SESTD1: variants seen among roughly 807,000 people sequenced by gnomAD.
The protein encoded by SESTD1 is SEC14 domain and spectrin repeat-containing protein 1.
In SESTD1, 43 loss-of-function variants were observed where a neutral mutation model predicts 101.7. That is an observed-to-expected ratio of 0.42 (90% CI 0.33 to 0.55). The LOEUF is 0.55. Ranked by LOEUF, SESTD1 falls within the 20% of genes least tolerant of loss-of-function variation. The pLI is 0.07. For missense variants in SESTD1, 647 were observed against 815.1 expected, an observed-to-expected ratio of 0.79 and a Z score of 2.51; for synonymous variants, 283 against 286.8, an observed-to-expected ratio of 0.99 and a Z score of 0.13.
rs2044827915 is a variant in SESTD1, at chr2:179,124,541, A to G, written c.990T>C (p.Tyr330=). Residue 330 remains tyrosine, a synonymous_variant, in exon 11 of 18, where the codon TAT becomes TAC. Coordinates refer to ENST00000428443, the MANE Select transcript of SESTD1 (RefSeq NM_178123.5). ...CTGCAATTTGCTGATTAAGTTCCAC[A>G]TACACTGCAAACCATTCCTGTAATC... ...ESQHSEWFAV[Y]VELNQQIAAL... The G allele has an allele frequency of 6.2e-7, 1 of 1,613,710 alleles. No homozygotes were observed. The highest frequency in any genetic ancestry group is 8.5e-7 in the Non-Finnish European group (1 of 1,179,808).
chr2:179,121,834 C>T lies in SESTD1; in HGVS notation c.1378G>A (p.Glu460Lys). 1.2e-6 allele frequency: 2 copies of T among 1,608,554 alleles called. No homozygotes were observed. The highest frequency in any genetic ancestry group is 1.7e-6 in the Non-Finnish European group (2 of 1,177,504). Residue 460 changes from glutamate to lysine, a missense_variant, in exon 13 of 18, where the codon GAA becomes AAA. Glu to Lys is a moderately conservative substitution (Grantham distance 56). Transcript: ENST00000428443. ...ATGTGGTCCACATTTTCTTTATTTT[C>T]AATGGTTACATCCTTTCCATAGGCC... Reference protein sequence around the residue: ...SWAYGKDVTIENKENVDHIQG... With the variant: ...SWAYGKDVTIKNKENVDHIQG...
rs1045869877 is a variant in SESTD1, at chr2:179,108,309, T to C, written c.*1590A>G. ...CTGTACTCACAGTTATTTCAGAGGA[T>C]AGCATCTTCAAGGAAGGAGACACTG... On this transcript the variant is annotated 3_prime_UTR_variant, in exon 18 of 18. Coordinates refer to ENST00000428443, the MANE Select transcript of SESTD1 (RefSeq NM_178123.5). 1 of 152,158 alleles carries C rather than the reference T, an allele frequency of 6.6e-6. No homozygotes were observed. Among genetic ancestry groups the C allele is most frequent in the African/African-American group, 2.4e-5 (1 of 41,432 alleles). The allele number at this position is 152,158 out of a possible 1,614,324, so 9.4% of individuals were successfully genotyped here.
chr2:179,147,941 C>T (rs1415994051), intron 7 of SESTD1, among the ~76,000 whole-genome samples: 2 of 152,162 alleles, frequency 1.3e-5, no homozygotes, highest in African/African-American at 4.8e-5. Flanking sequence ...CTTCCTAAAC[C>T]ACAGCATATA....
intron 3 of SESTD1, 75 bp from the exon 4 acceptor site, chr2:179,176,613 T>TA (rs1559129465): frequency 1.6e-6 from 2 of 1,227,594 alleles, no homozygotes; most frequent in African/African-American, 3.0e-5. Context: ...ATAAAGAAGG[T>TA]TTAAAACTTA....
chr2:179,112,652 A>G lies in SESTD1; in HGVS notation c.1961+72T>C, dbSNP rs1445828309. 2.0e-6 allele frequency: 3 copies of G among 1,466,310 alleles called. No individual in the cohort carries two copies. The Admixed American group carries it at 7.5e-5, about 36-fold the overall frequency. 90.8% of individuals were successfully genotyped at this position (1,466,310 alleles called of 1,614,324 possible). A position where few individuals can be genotyped will look rare whatever the true frequency, so the allele number is the denominator to read the frequency against. ...ATTTACTTGGCTTTTTAAAGAATAGATTTCCTCTTTTAATGATTTCACTTT... is the reference window on the plus strand; with the variant it reads ...ATTTACTTGGCTTTTTAAAGAATAGGTTTCCTCTTTTAATGATTTCACTTT... On this transcript the variant is annotated intron_variant, in intron 17 of 17. Transcript: ENST00000428443.
intron 1 of SESTD1, among the ~76,000 whole-genome samples, chr2:179,258,290 G>GA (rs1363003864): frequency 2.0e-5 from 3 of 152,156 alleles, no homozygotes; most frequent in Non-Finnish European, 4.4e-5. Context: ...AGCCCCAATA[G>GA]ATAGAATTCC....
At chr2:179,157,472 T>C (rs2105457904) in intron 5 of SESTD1, among the ~76,000 whole-genome samples, 1 of 152,268 alleles carries the variant, frequency 6.6e-6, no homozygotes, top group Admixed American at 6.5e-5. Context: ...CAAACTATAC[T>C]ATAAGGCCAT....
At chr2:179,157,165 G>A (rs2045648329) in intron 5 of SESTD1, among the ~76,000 whole-genome samples, 1 of 152,052 alleles carries the variant, frequency 6.6e-6, no homozygotes, top group Non-Finnish European at 1.5e-5. Context: ...ACCAAACCAA[G>A]GAGGCAAAAG....
intron 1 of SESTD1, among the ~76,000 whole-genome samples, chr2:179,192,352 G>A (rs1302452392): frequency 6.6e-6 from 1 of 152,058 alleles, no homozygotes; most frequent in African/African-American, 2.4e-5. Context: ...ACTATTAAAT[G>A]GCTTTTTCTG....
In SESTD1 at chr2:179,165,306, CAG is replaced by C. The variant is rs1170832620; in HGVS notation, c.369+6812_369+6813del. Among the ~76,000 whole-genome samples the C allele has an allele frequency of 3.3e-5, 5 of 152,290 alleles. No homozygotes were observed. In the East Asian group the frequency reaches 5.8e-4, roughly 18 times the overall value. On this transcript the variant is annotated intron_variant, in intron 5 of 17. Transcript: ENST00000428443. ...ATCTATGACACCACATCAAGGTAGA[CAG>C]AAATTCTGTCTTCTATTTTATCCTC...
At chr2:179,156,803 C>T (rs990331087) in intron 5 of SESTD1, among the ~76,000 whole-genome samples, 1 of 152,094 alleles carries the variant, frequency 6.6e-6, no homozygotes, top group Admixed American at 6.6e-5. Context: ...TTCATTTTGC[C>T]ATACAAAAGC....
At chr2:179,118,401 T>C (rs1191440584) in intron 13 of SESTD1, among the ~76,000 whole-genome samples, 3 of 152,234 alleles carry the variant, frequency 2.0e-5, no homozygotes, top group Non-Finnish European at 4.4e-5. Context: ...ATTTCCTTCA[T>C]TTCCATGAAA....
At chr2:179,188,387 CAG>C (rs1411786708) in intron 2 of SESTD1, among the ~76,000 whole-genome samples, 1 of 152,144 alleles carries the variant, frequency 6.6e-6, no homozygotes, top group East Asian at 1.9e-4. Flanking sequence ...TAAATGAAAA[CAG>C]TGATACAACG....
At chr2:179,140,714 T>C (rs1378300277) in intron 9 of SESTD1, among the ~76,000 whole-genome samples, 1 of 152,228 alleles carries the variant, frequency 6.6e-6, no homozygotes, top group African/African-American at 2.4e-5. Flanking sequence ...CTTTCATTCC[T>C]GAATTCACTC....
rs1482028993 is a variant in SESTD1 at position 179,202,308 on chromosome 2, C to A, written c.-25-10442G>T. 1.5e-5 allele frequency among the ~76,000 whole-genome samples: 2 copies of A among 134,224 alleles called. 1 individual carries two copies. The highest frequency in any genetic ancestry group is 1.4e-4 in the Admixed American group (2 of 13,830). The allele number at this position is 134,224 out of a possible 152,430, so 88.1% of individuals were successfully genotyped here. On this transcript the variant is annotated intron_variant, in intron 1 of 17. Transcript: ENST00000428443. ...CTAAAGAAGGCCTAATAAAATAACA[C>A]TCCCCAGTTTTTGTCACCTCCTGTC...
At chr2:179,188,230 ACT>A (rs1434520968) in intron 2 of SESTD1, among the ~76,000 whole-genome samples, 2 of 152,176 alleles carry the variant, frequency 1.3e-5, no homozygotes, top group Admixed American at 6.5e-5. Flanking sequence ...TACCAACCAT[ACT>A]CTCAGATCAC....
chr2:179,255,539 G>A (rs1209834863), intron 1 of SESTD1, among the ~76,000 whole-genome samples: 2 of 152,336 alleles, frequency 1.3e-5, no homozygotes, highest in Admixed American at 6.5e-5. Context: ...AAGGCTGAGA[G>A]GTGAGGAAGC....
intron 5 of SESTD1, among the ~76,000 whole-genome samples, chr2:179,162,680 G>T (rs552282823): frequency 5.3e-5 from 8 of 151,964 alleles, no homozygotes; most frequent in Non-Finnish European, 1.2e-4. Context: ...TTAACTTGTA[G>T]ATTCTGTTTA....
At chr2:179,235,811 C>T (rs1223580353) in intron 1 of SESTD1, among the ~76,000 whole-genome samples, 3 of 152,196 alleles carry the variant, frequency 2.0e-5, no homozygotes, top group African/African-American at 7.2e-5. Flanking sequence ...TCTCTCTCCA[C>T]TTCATGTTTT....
Sources: allele counts gnomAD v4.1 joint callset (sites outside exome capture counted in the v4.1 genomes callset), GRCh38; gene constraint gnomAD v4.1.1; transcripts MANE v1.5; gene names NCBI Gene and HGNC (gene_info 2026-07-23, HGNC 2026-07-21).